The following PAAF1 variants were observed in gnomAD, a reference collection of about 807,000 sequenced individuals.
The protein encoded by PAAF1 is proteasomal ATPase-associated factor 1.
A neutral mutation model predicts 52.8 loss-of-function variants in PAAF1; 46 were observed. The observed-to-expected ratio is 0.87, with a 90% confidence interval of 0.69 to 1.11. The LOEUF is 1.11. Ranked by LOEUF, PAAF1 falls within the 50% of genes most tolerant of loss-of-function variation. PAAF1 has a pLI of 0.00. For missense variants in PAAF1, 424 were observed against 477.4 expected (o/e 0.89, Z 1.04); for synonymous variants, 178 against 172.8 (o/e 1.03, Z -0.24).
chr11:73,927,330 C>A lies in PAAF1; in HGVS notation c.1147C>A (p.Leu383Ile). Reference sequence around the variant, plus strand: ...GATCTACACATGCTGTCGAGACGGTCTTGTACGACGCTACCAGCTTTCTGA... The same window carrying A: ...GATCTACACATGCTGTCGAGACGGTATTGTACGACGCTACCAGCTTTCTGA... Reference protein sequence around the residue: ...KQIYTCCRDGLVRRYQLSDL With the variant: ...KQIYTCCRDGIVRRYQLSDL Residue 383 changes from leucine to isoleucine, a missense_variant, in exon 12 of 12, where the codon CTT (leucine) becomes ATT (isoleucine). Transcript: ENST00000310571. 2 of 1,614,164 alleles carry A rather than the reference C, an allele frequency of 1.2e-6. No homozygotes were observed. Among genetic ancestry groups the A allele is most frequent in the Non-Finnish European group, 1.7e-6 (2 of 1,180,010 alleles).
intron 6 of PAAF1, among the ~76,000 whole-genome samples, chr11:73,905,099 A>G (rs560032155): frequency 6.6e-6 from 1 of 152,292 alleles, no homozygotes; most frequent in East Asian, 1.9e-4. Flanking sequence ...ATGGCACTCT[A>G]GTCTGGGCAA....
chr11:73,876,748 G>C (rs868834286), upstream of PAAF1: 1 of 332,780 alleles, frequency 3.0e-6, no homozygotes, highest in African/African-American at 2.1e-5. Flanking sequence ...CGCGGTACGC[G>C]ATGCTCACCG....
At chr11:73,876,786 C>T (rs1014429701), upstream of PAAF1, 3 of 392,892 alleles carry the variant, frequency 7.6e-6, no homozygotes, top group African/African-American at 6.2e-5. Flanking sequence ...GGCCCGAACG[C>T]ACGCTCCTAC....
At chr11:73,899,476 A>C (rs1351730194) in intron 5 of PAAF1, among the ~76,000 whole-genome samples, 1 of 126,940 alleles carries the variant, frequency 7.9e-6, no homozygotes, top group Non-Finnish European at 1.5e-5. Context: ...CAGTGGTGTG[A>C]TCTCAGCTCA....
chr11:73,899,286 G>A (rs1429789071), intron 5 of PAAF1, 42 bp downstream of exon 5: 2 of 1,521,688 alleles, frequency 1.3e-6, no homozygotes, highest in Non-Finnish European at 1.8e-6. Context: ...AACACAAAGG[G>A]TGGTCTGAGA....
At chr11:73,899,408 C>CTTTTT (rs71065053) in intron 5 of PAAF1, among the ~76,000 whole-genome samples, 164 bp downstream of exon 5, 11 of 101,198 alleles carry the variant, frequency 1.1e-4, no homozygotes, top group African/African-American at 2.3e-4. Context: ...TTCTTTTTCT[C>CTTTTT]TTTTTTTTTT....
chr11:73,884,630 A>G (rs1318450540), intron 2 of PAAF1, among the ~76,000 whole-genome samples: 1 of 152,204 alleles, frequency 6.6e-6, no homozygotes, highest in Admixed American at 6.5e-5. Context: ...GGAGTGGGAT[A>G]AAAAGTGAAG....
chr11:73,881,221 CAACTGGGGTTTATATTTTTTT>C (rs1333767877), intron 2 of PAAF1, among the ~76,000 whole-genome samples: 1 of 152,102 alleles, frequency 6.6e-6, no homozygotes, highest in African/African-American at 2.4e-5. Flanking sequence ...AGCAAAACAT[CAACTGGGGTTTATATTTTTTT>C]AGATCTTTTC....
intron 2 of PAAF1, chr11:73,880,081 C>T (rs915303066): frequency 2.0e-5 from 3 of 151,916 alleles, no homozygotes; most frequent in African/African-American, 7.3e-5. Context: ...ACTAGCTGGG[C>T]ATGGTGTTGG....
At chr11:73,888,778 C>G (rs192197374) in intron 3 of PAAF1, 5 of 299,882 alleles carry the variant, frequency 1.7e-5, no homozygotes, top group East Asian at 1.7e-4. Flanking sequence ...TTAGTTAACT[C>G]TGACACTTAT....
chr11:73,900,004 T>C (rs988503357), intron 5 of PAAF1, among the ~76,000 whole-genome samples: 2 of 81,208 alleles, frequency 2.5e-5, no homozygotes, highest in Non-Finnish European at 4.7e-5. Context: ...TGGAATTCTT[T>C]TTTTTTTTTT....
rs978898522 is a variant in PAAF1, at chr11:73,929,085, C to G, written c.*1723C>G. 1 of 151,988 alleles carries G rather than the reference C, an allele frequency of 6.6e-6. No individual in the cohort carries two copies. Among genetic ancestry groups the G allele is most frequent in the African/African-American group, 2.4e-5 (1 of 41,326 alleles). 9.4% of individuals were successfully genotyped at this position (151,988 alleles called of 1,614,324 possible). A position where few individuals can be genotyped will look rare whatever the true frequency, so the allele number is the denominator to read the frequency against. On this transcript the variant is annotated 3_prime_UTR_variant, in exon 12 of 12. Transcript: ENST00000310571. ...TTTTTTTTAAAGACAGGGTCTTGCTCTGTTGCCCAGGCTGGAATGCGTTGG... is the reference window on the plus strand; with the variant it reads ...TTTTTTTTAAAGACAGGGTCTTGCTGTGTTGCCCAGGCTGGAATGCGTTGG...
intron 7 of PAAF1, 55 bp downstream of exon 7, chr11:73,909,648 A>C: frequency 6.6e-7 from 1 of 1,523,618 alleles, no homozygotes; most frequent in Non-Finnish European, 9.0e-7. Context: ...CCCTTCAGTG[A>C]TTGCCTTAGT....
chr11:73,916,682 T>C (rs978459964), intron 9 of PAAF1, 22 bp downstream of exon 9: 56 of 1,563,204 alleles, frequency 3.6e-5, no homozygotes, highest in Non-Finnish European at 4.7e-5. Context: ...TTCATTTACA[T>C]GATGCAGGTC....
chr11:73,921,359 G>A (rs570070164), intron 10 of PAAF1, among the ~76,000 whole-genome samples: 93 of 151,060 alleles, frequency 6.2e-4, no homozygotes, highest in Admixed American at 4.9e-3. Context: ...GAGTGTAGGT[G>A]GAGAAGAGCT....
At chr11:73,883,427 T>G (rs1194371782) in intron 2 of PAAF1, among the ~76,000 whole-genome samples, 2 of 152,224 alleles carry the variant, frequency 1.3e-5, no homozygotes, top group Non-Finnish European at 2.9e-5. Flanking sequence ...TTTCTAGCTC[T>G]GTGGATTTGC....
At chr11:73,921,911 C>T in intron 10 of PAAF1, 1 of 1,104,950 alleles carries the variant, frequency 9.1e-7, no homozygotes, top group Admixed American at 1.8e-5. Flanking sequence ...GTATACATTT[C>T]TTTCTCACCT....
Position 73,877,025 on chromosome 11 carries a change from G to A in PAAF1, c.4G>A (p.Ala2Thr), listed in dbSNP as rs1290008354. 5.2e-6 allele frequency: 8 copies of A among 1,534,714 alleles called. No individual in the cohort carries two copies. The highest frequency in any genetic ancestry group is 2.0e-5 in the Admixed American group (1 of 48,826). ...GGCTGGTGGAGGCGGGGTCGAGATG[G>A]CGGCGCCTTTGAGGATTCAGAGCGA... MAAPLRIQSDWA... is the reference protein window; with the variant it reads MTAPLRIQSDWA... The change falls in exon 1 of 12, where the codon GCG becomes ACG. Residue 2 changes from alanine to threonine, a missense_variant. Transcript: ENST00000310571.
At chr11:73,891,958 G>A (rs1254188738) in intron 4 of PAAF1, among the ~76,000 whole-genome samples, 1 of 152,164 alleles carries the variant, frequency 6.6e-6, no homozygotes, top group Non-Finnish European at 1.5e-5. Context: ...GGAAGCAGAA[G>A]TGAGAAATTG....
Sources: gnomAD v4.1 joint callset for allele counts (sites outside exome capture counted in the v4.1 genomes callset) on GRCh38, gnomAD v4.1.1 for gene constraint, MANE v1.5 for transcripts, NCBI Gene and HGNC (gene_info 2026-07-23, HGNC 2026-07-21) for gene names.